BICRAL: variants seen among roughly 807,000 people sequenced by gnomAD.
BICRAL encodes the protein BICRA like chromatin remodeling complex associated protein, also known as BRD4-interacting chromatin-remodeling complex-associated protein-like.
In BICRAL, 8 loss-of-function variants were observed where a neutral mutation model predicts 91.8. The observed-to-expected ratio is 0.09, with a 90% CI of 0.05 to 0.16. The LOEUF (loss-of-function observed/expected upper bound fraction) is 0.16. Ranked by LOEUF, BICRAL falls within the 10% of genes least tolerant of loss-of-function variation. BICRAL has a pLI of 1.00. For missense variants in BICRAL, 1,038 were observed against 1,310.9 expected (o/e 0.79, Z 3.21); for synonymous variants, 445 against 491.1 (o/e 0.91, Z 1.24).
In BICRAL at chr6:42,795,678, G is replaced by A. The variant is rs59349436; in HGVS notation, c.-102+13577G>A. On this transcript the variant is annotated intron_variant, in intron 1 of 12. Coordinates refer to ENST00000314073, the MANE Select transcript of BICRAL (RefSeq NM_001393499.1). The stretch of plus-strand genomic sequence containing the variant: ...GAGCATGATGTGGATTTTGTATAAT[G>A]TATATGCACCTTTAAAATATGTTCC... Among the ~76,000 whole-genome samples, 833 of 152,302 alleles carry A rather than the reference G, an allele frequency of 5.5e-3. 7 individuals are homozygous for A. Among genetic ancestry groups the A allele is most frequent in the African/African-American group, 0.019 (803 of 41,570 alleles).
upstream of BICRAL, among the ~76,000 whole-genome samples, chr6:42,746,640 C>A (rs939458102): frequency 1.3e-5 from 2 of 151,844 alleles, no homozygotes; most frequent in Non-Finnish European, 2.9e-5. Flanking sequence ...TTGCATGCCT[C>A]CGGTTTTTTC....
chr6:42,846,675 A>T (rs1240072412), intron 6 of BICRAL, among the ~76,000 whole-genome samples: 1 of 152,112 alleles, frequency 6.6e-6, no homozygotes, highest in Non-Finnish European at 1.5e-5. Context: ...CTCAATCTGG[A>T]GCCTTTGTAC....
At chr6:42,801,657 G>A (rs1365423284) in intron 1 of BICRAL, among the ~76,000 whole-genome samples, 12 of 151,896 alleles carry the variant, frequency 7.9e-5, no homozygotes, top group Admixed American at 5.9e-4. Flanking sequence ...AGAGGCAGGC[G>A]GATTACTTGA....
At chr6:42,752,237 C>A (rs1251184847) in intron 1 of BICRAL, among the ~76,000 whole-genome samples, 1 of 152,158 alleles carries the variant, frequency 6.6e-6, no homozygotes, top group East Asian at 1.9e-4. Flanking sequence ...ACGCCCTTGA[C>A]CTTCTGAAAC....
At chr6:42,852,359 A>G (rs1295058342) in intron 7 of BICRAL, 162 bp downstream of exon 7, 7 of 702,770 alleles carry the variant, frequency 1.0e-5, no homozygotes, top group Non-Finnish European at 1.6e-5. Flanking sequence ...ACTGTGTTGC[A>G]TCAACTCTAA....
At chr6:42,843,144 T>C (rs34221675) in intron 6 of BICRAL, among the ~76,000 whole-genome samples, 55,465 of 151,904 alleles carry the variant, frequency 0.37, 10,444 homozygotes, top group South Asian at 0.47. Flanking sequence ...CGTGAGCCAC[T>C]GCGCCCAGGC....
At chr6:42,813,112 A>G (rs1763886609) in intron 2 of BICRAL, among the ~76,000 whole-genome samples, 1 of 152,212 alleles carries the variant, frequency 6.6e-6, no homozygotes, top group South Asian at 2.1e-4. Flanking sequence ...GGACACTTCA[A>G]ATAGTCTAAT....
chr6:42,853,911 T>C (rs1285863754), intron 8 of BICRAL, among the ~76,000 whole-genome samples, 173 bp downstream of exon 8: 1 of 152,178 alleles, frequency 6.6e-6, no homozygotes, highest in African/African-American at 2.4e-5. Context: ...GGCCTTGTTA[T>C]GTTTATGTTT....
At chr6:42,799,652 A>G (rs995679841) in intron 1 of BICRAL, among the ~76,000 whole-genome samples, 1 of 152,180 alleles carries the variant, frequency 6.6e-6, no homozygotes, top group South Asian at 2.1e-4. Context: ...TATGTATCTC[A>G]TGATCTCTTG....
chr6:42,853,626 T>C lies in BICRAL; in HGVS notation c.1946-12T>C. Reference sequence around the variant, plus strand: ...TTCTTTTGAACACTGTCTCATGTATTAATTCTAATAGGGCAGGATTCTGGA... The same window carrying C: ...TTCTTTTGAACACTGTCTCATGTATCAATTCTAATAGGGCAGGATTCTGGA... On this transcript the variant is annotated splice_polypyrimidine_tract_variant and intron_variant, in intron 7 of 12. Transcript: ENST00000314073. 6.3e-7 allele frequency: 1 copy of C among 1,591,914 alleles called. No individual in the cohort carries two copies. Among genetic ancestry groups the C allele is most frequent in the Non-Finnish European group, 8.6e-7 (1 of 1,159,744 alleles).
At chr6:42,814,706 A>T (rs1763935237) in intron 2 of BICRAL, among the ~76,000 whole-genome samples, 1 of 150,242 alleles carries the variant, frequency 6.7e-6, no homozygotes, top group Non-Finnish European at 1.5e-5. Context: ...TTGTATTTTT[A>T]GTAGAACAGG....
At chr6:42,852,013 A>T in intron 6 of BICRAL, 79 bp from the exon 7 acceptor site, 1 of 831,520 alleles carries the variant, frequency 1.2e-6, no homozygotes, top group Non-Finnish European at 2.0e-6. Context: ...AGGCATGAAG[A>T]GGCTTGGTTG....
chr6:42,800,535 A>AT lies in BICRAL; in HGVS notation c.-101-9762dup, dbSNP rs571073885. Among the ~76,000 whole-genome samples the AT allele has an allele frequency of 7.3e-4, 106 of 145,508 alleles. 5 individuals carry two copies. In the South Asian group the frequency reaches 0.022, roughly 30 times the overall value. ...GCTAAGAAACTGATTTTGTCCACAC[A>AT]TTTTTTTTTCTTTTTTCTTTTCTTT... On this transcript the variant is annotated intron_variant, in intron 1 of 12. Transcript: ENST00000314073.
At chr6:42,754,199 T>C (rs1231337166) in intron 1 of BICRAL, among the ~76,000 whole-genome samples, 1 of 148,432 alleles carries the variant, frequency 6.7e-6, no homozygotes, top group African/African-American at 2.5e-5. Flanking sequence ...TGAGACGGAG[T>C]CTTGCTCTGT....
rs138522442 is a variant in BICRAL at position 42,857,694 on chromosome 6, T to A, written c.2254+458T>A. ...TTATTGACAAATTAGGGACAGTAAA[T>A]CCAAAGCTTTGTATGGACTGCCGGC... On this transcript the variant is annotated intron_variant, in intron 10 of 12. Coordinates refer to ENST00000314073, the MANE Select transcript of BICRAL (RefSeq NM_001393499.1). 6.9e-5 allele frequency among the ~76,000 whole-genome samples: 10 copies of A among 145,040 alleles called. No individual in the cohort carries two copies. The East Asian group carries it at 2.0e-3, about 29-fold the overall frequency.
chr6:42,859,732 T>C (rs1301134398), intron 10 of BICRAL, among the ~76,000 whole-genome samples: 2 of 152,060 alleles, frequency 1.3e-5, no homozygotes, highest in East Asian at 1.9e-4. Flanking sequence ...AGCTCCGCCT[T>C]CTGGGTTCAC....
intron 1 of BICRAL, among the ~76,000 whole-genome samples, chr6:42,766,610 G>A (rs1054334094): frequency 3.3e-5 from 5 of 152,002 alleles, no homozygotes; most frequent in South Asian, 2.1e-4. Flanking sequence ...GAGGCCGAGC[G>A]GGTGGATCAC....
At chr6:42,791,687 C>T (rs1332519899) in intron 1 of BICRAL, among the ~76,000 whole-genome samples, 1 of 152,124 alleles carries the variant, frequency 6.6e-6, no homozygotes, top group East Asian at 1.9e-4. Context: ...GTGTCTCAAA[C>T]TCCTGGGCTC....
At chr6:42,790,607 A>C (rs779885968) in intron 1 of BICRAL, among the ~76,000 whole-genome samples, 1 of 151,584 alleles carries the variant, frequency 6.6e-6, no homozygotes, top group African/African-American at 2.4e-5. Context: ...CTGCTCCCCA[A>C]ATAGGCTAAA....
Sources: gnomAD v4.1 joint callset for allele counts (sites outside exome capture counted in the v4.1 genomes callset) on GRCh38, gnomAD v4.1.1 for gene constraint, MANE v1.5 for transcripts, NCBI Gene and HGNC (gene_info 2026-07-23, HGNC 2026-07-21) for gene names.